Variants in MUC7 observed in about 807,000 individuals in gnomAD.
MUC7 encodes the protein mucin-7.
Under a neutral mutation model 2.5 loss-of-function variants are expected in MUC7, and 2 were observed. The ratio of observed to expected loss-of-function variants is 0.81; its 90% CI spans 0.33 to 2.55. MUC7 has a LOEUF of 2.55. Among genes scored for constraint, MUC7 ranks in the 30% most tolerant of loss-of-function variants. The pLI, the probability that MUC7 is intolerant of heterozygous loss-of-function variation, is 0.11. For missense variants in MUC7, 408 were observed against 455.6 expected, an observed-to-expected ratio of 0.90 and a Z score of 0.95; for synonymous variants, 133 against 173.4, an observed-to-expected ratio of 0.77 and a Z score of 1.83.
At chr4:70,432,782 G>C (rs1366525301) in intron 1 of MUC7, among the ~76,000 whole-genome samples, 1 of 152,026 alleles carries the variant, frequency 6.6e-6, no homozygotes, top group Admixed American at 6.6e-5. Context: ...ATTGCTTTTG[G>C]TGTAGACATG....
Position 70,481,305 on chromosome 4 carries a change from G to A in MUC7, c.561G>A (p.Glu187=), listed in dbSNP as rs1735169455. 33 of 1,602,258 alleles carry A rather than the reference G, an allele frequency of 2.1e-5. No homozygotes were observed. The highest frequency in any genetic ancestry group is 2.7e-5 in the Non-Finnish European group (32 of 1,175,952). Residue 187 remains glutamate (E), a synonymous_variant, in exon 3 of 3, where the codon GAG becomes GAA. Transcript: ENST00000304887. ...PAPPSSSAPP[E]TTAAPPTPSA... is the part of the protein sequence containing the mutation. Reference sequence around the variant, plus strand: ...CACCATCTTCCTCAGCTCCACCAGAGACCACAGCTGCCCCACCCACACCTT... The same window carrying A: ...CACCATCTTCCTCAGCTCCACCAGAAACCACAGCTGCCCCACCCACACCTT...
chr4:70,451,014 G>A (rs1487332725), intron 1 of MUC7, among the ~76,000 whole-genome samples: 1 of 152,134 alleles, frequency 6.6e-6, no homozygotes, highest in East Asian at 1.9e-4. Flanking sequence ...TCACCACTAG[G>A]ACTGCCTAAG....
intron 1 of MUC7, among the ~76,000 whole-genome samples, chr4:70,431,925 G>A (rs1367646013): frequency 6.6e-6 from 1 of 152,008 alleles, no homozygotes; most frequent in East Asian, 1.9e-4. Context: ...AGGCCCCGGT[G>A]TGTGATATTC....
chr4:70,431,832 T>C (rs1488418232), intron 1 of MUC7, among the ~76,000 whole-genome samples: 2 of 152,118 alleles, frequency 1.3e-5, no homozygotes, highest in Non-Finnish European at 2.9e-5. Flanking sequence ...TGTGCCATGT[T>C]GGTGTGCTGC....
At chr4:70,434,317 C>G (rs1185512513) in intron 1 of MUC7, among the ~76,000 whole-genome samples, 1 of 152,144 alleles carries the variant, frequency 6.6e-6, no homozygotes, top group Non-Finnish European at 1.5e-5. Context: ...CTTTATACCT[C>G]TGGTAGAATT....
At chr4:70,464,715 C>T (rs2332063) in intron 1 of MUC7, among the ~76,000 whole-genome samples, 28,146 of 151,990 alleles carry the variant, frequency 0.19, 2,976 homozygotes, top group African/African-American at 0.27. Flanking sequence ...TCTCTAGGCA[C>T]GGCATCTCTG....
intron 1 of MUC7, among the ~76,000 whole-genome samples, chr4:70,439,768 T>A (rs17662717): frequency 0.013 from 1,974 of 152,242 alleles, 22 homozygotes; most frequent in Non-Finnish European, 0.02. Flanking sequence ...ACTATATGAA[T>A]GAAATGCATT....
intron 1 of MUC7, among the ~76,000 whole-genome samples, chr4:70,451,488 G>T (rs1734279569): frequency 6.6e-6 from 1 of 152,114 alleles, no homozygotes. Flanking sequence ...CCTTGTTGGG[G>T]GGTTATGATC....
chr4:70,469,178 C>T (rs191164536), upstream of MUC7, among the ~76,000 whole-genome samples: 6 of 152,212 alleles, frequency 3.9e-5, no homozygotes, highest in East Asian at 5.8e-4. Context: ...ATGTAATAAA[C>T]GGTGTTGGGA....
chr4:70,471,318 A>T (rs986113191), upstream of MUC7, among the ~76,000 whole-genome samples: 1 of 152,178 alleles, frequency 6.6e-6, no homozygotes, highest in African/African-American at 2.4e-5. Context: ...GATAAAAGAA[A>T]CTAGAGACAT....
chr4:70,473,189 T>C (rs1194349266), intron 1 of MUC7, among the ~76,000 whole-genome samples: 1 of 152,056 alleles, frequency 6.6e-6, no homozygotes, highest in Non-Finnish European at 1.5e-5. Context: ...AATCCCAGAA[T>C]TTTGGGAGGC....
chr4:70,433,026 G>T (rs1454008996), intron 1 of MUC7, among the ~76,000 whole-genome samples: 2 of 152,178 alleles, frequency 1.3e-5, no homozygotes, highest in Non-Finnish European at 2.9e-5. Context: ...GTTTGTCCAA[G>T]ATCAGATGGT....
intron 1 of MUC7, among the ~76,000 whole-genome samples, chr4:70,447,979 T>C (rs1294666092): frequency 1.3e-5 from 2 of 152,198 alleles, no homozygotes; most frequent in Non-Finnish European, 2.9e-5. Flanking sequence ...TTCTACTCTC[T>C]ATGTCCATGA....
At chr4:70,433,912 T>A (rs1298147282) in intron 1 of MUC7, among the ~76,000 whole-genome samples, 1 of 152,226 alleles carries the variant, frequency 6.6e-6, no homozygotes, top group Non-Finnish European at 1.5e-5. Context: ...AATACCTAGT[T>A]TACTGAGAGT....
chr4:70,472,787 A>G (rs1370744164), intron 1 of MUC7, among the ~76,000 whole-genome samples: 5 of 152,198 alleles, frequency 3.3e-5, no homozygotes, highest in Non-Finnish European at 5.9e-5. Flanking sequence ...TGACTCTAAC[A>G]CCCATTTTAT....
intron 1 of MUC7, among the ~76,000 whole-genome samples, chr4:70,450,981 C>A (rs755091450): frequency 3.7e-5 from 4 of 107,188 alleles, no homozygotes; most frequent in African/African-American, 1.3e-4. Context: ...CATGCCCCCC[C>A]AGTCCACTGT....
chr4:70,440,007 T>A (rs1011315470), intron 1 of MUC7, among the ~76,000 whole-genome samples: 1 of 152,148 alleles, frequency 6.6e-6, no homozygotes, highest in African/African-American at 2.4e-5. Context: ...CATTAGTTAT[T>A]ATTATTCATT....
At chr4:70,440,083 G>T (rs950672603) in intron 1 of MUC7, among the ~76,000 whole-genome samples, 1 of 151,972 alleles carries the variant, frequency 6.6e-6, no homozygotes, top group Non-Finnish European at 1.5e-5. Context: ...AATACCTAGA[G>T]ATGCACATAT....
At chr4:70,478,676 A>T (rs1204466041) in intron 2 of MUC7, among the ~76,000 whole-genome samples, 1 of 152,144 alleles carries the variant, frequency 6.6e-6, no homozygotes, top group Non-Finnish European at 1.5e-5. Context: ...AAAGGGAAAG[A>T]CCGAGATCAT....
Sources: gnomAD v4.1 joint callset for allele counts (sites outside exome capture counted in the v4.1 genomes callset) on GRCh38, gnomAD v4.1.1 for gene constraint, MANE v1.5 for transcripts, NCBI Gene and HGNC (gene_info 2026-07-23, HGNC 2026-07-21) for gene names.